Variants in FAM163A observed in about 807,000 individuals in gnomAD.
FAM163A encodes the protein family with sequence similarity 163 member A.
FAM163A carries 7 observed loss-of-function variants against 12.0 expected under a neutral mutation model. The ratio of observed to expected loss-of-function variants is 0.58; its 90% CI spans 0.33 to 1.10. FAM163A has a LOEUF of 1.10. Among genes scored for constraint, FAM163A ranks in the 50% least tolerant of loss-of-function variants. The probability of loss-of-function intolerance (pLI) is 0.03; values close to 1 mark genes in which losing one functional copy is unlikely to be tolerated. For synonymous variants in FAM163A, 101 were observed against 91.0 expected (o/e 1.11, Z -0.62); for missense variants, 202 against 218.6 (o/e 0.92, Z 0.48).
intron 1 of FAM163A, among the ~76,000 whole-genome samples, chr1:179,775,874 T>A (rs556632990): frequency 6.6e-6 from 1 of 152,316 alleles, no homozygotes; most frequent in South Asian, 2.1e-4. Context: ...GAAGTAACTC[T>A]GTTGAGGTGA....
chr1:179,781,108 G>C (rs950104498), intron 1 of FAM163A, among the ~76,000 whole-genome samples: 13 of 152,226 alleles, frequency 8.5e-5, no homozygotes, highest in African/African-American at 3.1e-4. Flanking sequence ...GCTTAACCGA[G>C]AGTGAAAGTA....
At chr1:179,747,594 C>A (rs778921393) in intron 1 of FAM163A, among the ~76,000 whole-genome samples, 2 of 152,194 alleles carry the variant, frequency 1.3e-5, no homozygotes, top group Non-Finnish European at 2.9e-5. Context: ...ATCTCTTTAT[C>A]TCGGGTATAT....
At chr1:179,745,275 G>A (rs1187227399) in intron 1 of FAM163A, among the ~76,000 whole-genome samples, 1 of 152,226 alleles carries the variant, frequency 6.6e-6, no homozygotes, top group Non-Finnish European at 1.5e-5. Flanking sequence ...TTCTGGAAAG[G>A]CAAGGTGAGA....
the FAM163A span, among the ~76,000 whole-genome samples, chr1:179,737,929 G>A: frequency 1.3e-5 from 2 of 152,170 alleles, no homozygotes; most frequent in Non-Finnish European, 2.9e-5. Context: ...TGATGGTTTC[G>A]CAGTATGTCC....
At chr1:179,731,276 A>C in the FAM163A span, among the ~76,000 whole-genome samples, 2 of 152,232 alleles carry the variant, frequency 1.3e-5, no homozygotes, top group Non-Finnish European at 2.9e-5. Context: ...ATATAGATTT[A>C]TGAGGTAATA....
At chr1:179,750,123 C>T (rs1402076641) in intron 1 of FAM163A, among the ~76,000 whole-genome samples, 1 of 152,062 alleles carries the variant, frequency 6.6e-6, no homozygotes, top group African/African-American at 2.4e-5. Flanking sequence ...AGGACAATAT[C>T]AGTAGAGTAG....
chr1:179,739,881 G>A (rs1683426342), upstream of FAM163A, among the ~76,000 whole-genome samples: 1 of 152,180 alleles, frequency 6.6e-6, no homozygotes. Flanking sequence ...GTATAAGAAT[G>A]GGTGAAAGTT....
intron 1 of FAM163A, among the ~76,000 whole-genome samples, chr1:179,781,099 C>T (rs1201842839): frequency 6.6e-6 from 1 of 152,060 alleles, no homozygotes; most frequent in East Asian, 1.9e-4. Flanking sequence ...AAATGAGGGG[C>T]TTAACCGAGA....
intron 1 of FAM163A, among the ~76,000 whole-genome samples, chr1:179,798,871 T>A (rs1024976032): frequency 2.0e-5 from 3 of 152,182 alleles, no homozygotes; most frequent in Non-Finnish European, 2.9e-5. Context: ...TGGTATAATT[T>A]AATCAACCTA....
At chr1:179,780,472 T>C (rs1371234490) in intron 1 of FAM163A, among the ~76,000 whole-genome samples, 1 of 152,240 alleles carries the variant, frequency 6.6e-6, no homozygotes, top group Non-Finnish European at 1.5e-5. Flanking sequence ...GCCAAACGCA[T>C]AAGCTCGGTG....
intron 1 of FAM163A, among the ~76,000 whole-genome samples, chr1:179,780,870 A>T (rs942473616): frequency 6.6e-6 from 1 of 152,228 alleles, no homozygotes; most frequent in Non-Finnish European, 1.5e-5. Flanking sequence ...CCAGACTTTC[A>T]TCACAGAATC....
chr1:179,737,861 G>T, the FAM163A span, among the ~76,000 whole-genome samples: 2 of 152,002 alleles, frequency 1.3e-5, no homozygotes, highest in East Asian at 3.9e-4. Context: ...CTTAAAAAGC[G>T]AAGAGATGCA....
chr1:179,802,841 G>A (rs779929120), intron 1 of FAM163A, among the ~76,000 whole-genome samples: 49 of 152,052 alleles, frequency 3.2e-4, no homozygotes, highest in East Asian at 3.9e-4. Flanking sequence ...TTTTTTGTGA[G>A]CCTTTAGGGT....
chr1:179,796,618 C>G (rs367687398), intron 1 of FAM163A, among the ~76,000 whole-genome samples: 1 of 152,140 alleles, frequency 6.6e-6, no homozygotes, highest in African/African-American at 2.4e-5. Flanking sequence ...TGATATCTCC[C>G]CCTCTTCTCT....
chr1:179,807,356 C>T (rs888531087), intron 1 of FAM163A, among the ~76,000 whole-genome samples: 2 of 151,986 alleles, frequency 1.3e-5, no homozygotes, highest in African/African-American at 2.4e-5. Context: ...AAAATAGGCC[C>T]GGGAAACCGT....
intron 1 of FAM163A, among the ~76,000 whole-genome samples, chr1:179,773,861 G>A (rs965107543): frequency 2.0e-5 from 3 of 152,208 alleles, no homozygotes; most frequent in Non-Finnish European, 2.9e-5. Flanking sequence ...AGAAGCCTCC[G>A]TTCTGAGAAA....
chr1:179,798,512 C>T (rs1019014359), intron 1 of FAM163A, among the ~76,000 whole-genome samples: 4 of 152,280 alleles, frequency 2.6e-5, no homozygotes, highest in Non-Finnish European at 5.9e-5. Flanking sequence ...CACCTTATCA[C>T]CTGCCCCTGG....
At chr1:179,779,863 C>T (rs535458994) in intron 1 of FAM163A, among the ~76,000 whole-genome samples, 78 of 152,328 alleles carry the variant, frequency 5.1e-4, no homozygotes, top group Admixed American at 9.2e-4. Flanking sequence ...GGGCAAATCA[C>T]CTCAGTAAAC....
At chr1:179,734,101 A>G in the FAM163A span, among the ~76,000 whole-genome samples, 1 of 152,244 alleles carries the variant, frequency 6.6e-6, no homozygotes, top group Non-Finnish European at 1.5e-5. Context: ...AAGTGAGGTG[A>G]ATAAAGGCTT....
Sources: allele counts gnomAD v4.1 joint callset (sites outside exome capture counted in the v4.1 genomes callset), GRCh38; gene constraint gnomAD v4.1.1; transcripts MANE v1.5; gene names NCBI Gene and HGNC (gene_info 2026-07-23, HGNC 2026-07-21).